Variants in FBXO8 observed in about 807,000 individuals in gnomAD.
The protein encoded by FBXO8 is F-box only protein 8.
In FBXO8, 15 loss-of-function variants were observed where a neutral mutation model predicts 33.4. The ratio of observed to expected loss-of-function variants is 0.45; its 90% CI spans 0.30 to 0.69. The LOEUF is 0.69. Among genes scored for constraint, FBXO8 ranks in the 30% least tolerant of loss-of-function variants. The pLI is 0.08. For synonymous variants in FBXO8, 132 were observed against 131.5 expected (o/e 1.00, Z -0.02); for missense variants, 274 against 380.3 (o/e 0.72, Z 2.32).
Position 174,278,326 on chromosome 4 carries a change from T to C in FBXO8, c.-9+5084A>G, listed in dbSNP as rs1736999808. Among the ~76,000 whole-genome samples the C allele has an allele frequency of 6.6e-6, 1 of 152,014 alleles. No homozygotes were observed. The highest frequency in any genetic ancestry group is 1.9e-4 in the East Asian group (1 of 5,202). On this transcript the variant is annotated intron_variant, in intron 1 of 5. Transcript: ENST00000393674. The surrounding 1 kb of genome is among the most constrained non-coding windows in gnomAD (Gnocchi z 4.1). ...TAAAAGGCATACCATTTGCAGGTTT[T>C]GGTTTTTTTTAATTCAAAAAGATTT...
At position 174,259,180 on chromosome 4, in the gene FBXO8, T is replaced by C. The variant is rs1736485254; in HGVS notation, c.456+519A>G. The stretch of plus-strand genomic sequence containing the variant: ...AAGAATTAAATAATTAATACAAAAT[T>C]ATTCAATTTTATAACAATCTATAAA... On this transcript the variant is annotated intron_variant, in intron 3 of 5. Transcript: ENST00000393674. The surrounding 1 kb of genome is among the most constrained non-coding windows in gnomAD (Gnocchi z 4.3). 6.6e-6 allele frequency among the ~76,000 whole-genome samples: 1 copy of C among 152,082 alleles called. No individual in the cohort carries two copies. The highest frequency in any genetic ancestry group is 1.5e-5 in the Non-Finnish European group (1 of 67,930).
chr4:174,276,590 GTTTT>G (rs775243716), intron 1 of FBXO8, among the ~76,000 whole-genome samples: 1 of 151,890 alleles, frequency 6.6e-6, no homozygotes, highest in Non-Finnish European at 1.5e-5. Flanking sequence ...GTTTTGTTTT[GTTTT>G]TTTGAGAGGG....
chr4:174,240,788 T>C (rs142136955), intron 4 of FBXO8, among the ~76,000 whole-genome samples: 2 of 151,872 alleles, frequency 1.3e-5, no homozygotes, highest in African/African-American at 4.8e-5. Flanking sequence ...ACTTAGATTA[T>C]GGCTACTTGT....
chr4:174,269,558 GCCCGTAATC>G (rs1231209677), intron 1 of FBXO8, among the ~76,000 whole-genome samples: 1 of 151,652 alleles, frequency 6.6e-6, no homozygotes, highest in Non-Finnish European at 1.5e-5. Context: ...TGTGGTGCAC[GCCCGTAATC>G]CCAGCTACTG....
At position 174,256,038 on chromosome 4, in the gene FBXO8, C is replaced by T; in HGVS notation, c.456+3661G>A. 2.2e-6 allele frequency: 1 copy of T among 455,400 alleles called. No individual in the cohort carries two copies. The highest frequency in any genetic ancestry group is 3.3e-4 in the Middle Eastern group (1 of 3,066). The allele number at this position is 455,400 out of a possible 1,614,324, so 28.2% of individuals were successfully genotyped here. ...CCAGATTATCGTACCACAAACTGTG[C>T]AGATGTTCTCCCCCACCCCATGAGC... On this transcript the variant is annotated intron_variant, in intron 3 of 5. Coordinates refer to ENST00000393674, the MANE Select transcript of FBXO8 (RefSeq NM_012180.3). This position sits in a 1 kb window ranked among gnomAD's most constrained non-coding sequence, Gnocchi z 4.6.
At chr4:174,239,666 C>CT (rs1319194717) in intron 4 of FBXO8, among the ~76,000 whole-genome samples, 1 of 151,624 alleles carries the variant, frequency 6.6e-6, no homozygotes, top group East Asian at 1.9e-4. Context: ...TTTGTTTTTG[C>CT]TTTTTTCACA....
rs755973689 is a variant in FBXO8, at chr4:174,263,568, A to G, written c.-8-468T>C. On this transcript the variant is annotated intron_variant, in intron 1 of 5. Coordinates refer to ENST00000393674, the MANE Select transcript of FBXO8 (RefSeq NM_012180.3). The surrounding 1 kb of genome is among the most constrained non-coding windows in gnomAD (Gnocchi z 4.2). ...TTAACCAAACTCCCAGATGCGTAAC[A>G]GCTGGGAAACAGGCTTTTAGTTTAA... Among the ~76,000 whole-genome samples the G allele has an allele frequency of 5.3e-5, 8 of 152,178 alleles. No homozygotes were observed. The highest frequency in any genetic ancestry group is 2.9e-5 in the Non-Finnish European group (2 of 68,038).
Position 174,272,772 on chromosome 4 carries a change from A to G in FBXO8, c.-8-9672T>C, listed in dbSNP as rs1304576573. ...ATCCCAAAGTATCTTCCCACATATCAGTCATTAATTACAAGAAAAAATTAA... is the reference window on the plus strand; with the variant it reads ...ATCCCAAAGTATCTTCCCACATATCGGTCATTAATTACAAGAAAAAATTAA... On this transcript the variant is annotated intron_variant, in intron 1 of 5. Transcript: ENST00000393674. This position sits in a 1 kb window ranked among gnomAD's most constrained non-coding sequence, Gnocchi z 4.7. Among the ~76,000 whole-genome samples the G allele has an allele frequency of 1.3e-5, 2 of 152,214 alleles. No homozygotes were observed. The highest frequency in any genetic ancestry group is 2.9e-5 in the Non-Finnish European group (2 of 68,034).
Position 174,262,851 on chromosome 4 carries a change from G to C in FBXO8, c.242C>G (p.Thr81Ser), listed in dbSNP as rs1736601411. ...AGTTGCATTCAGGTAGGACAAGATGGTAAAGCTTAGCTCAGGAGGCAACAT... is the reference window on the plus strand; with the variant it reads ...AGTTGCATTCAGGTAGGACAAGATGCTAAAGCTTAGCTCAGGAGGCAACAT... ...LEMLPPELSF[T>S]ILSYLNATDL... is the part of the protein sequence containing the mutation. Residue 81 changes from threonine (T) to serine (S), a missense_variant, in exon 2 of 6, where the codon ACC (threonine) becomes AGC (serine). Around this residue, in one of 2 missense-constraint regions of FBXO8, gnomAD observed 186 missense variants for 293.4 expected, o/e 0.63. Coordinates refer to ENST00000393674, the MANE Select transcript of FBXO8 (RefSeq NM_012180.3). This position sits in a 1 kb window ranked among gnomAD's most constrained non-coding sequence, Gnocchi z 4.6. The C allele has an allele frequency of 6.2e-7, 1 of 1,613,924 alleles. No individual in the cohort carries two copies. The highest frequency in any genetic ancestry group is 8.5e-7 in the Non-Finnish European group (1 of 1,179,942).
chr4:174,240,242 T>G (rs1185591730), intron 4 of FBXO8, among the ~76,000 whole-genome samples: 1 of 151,576 alleles, frequency 6.6e-6, no homozygotes, highest in Non-Finnish European at 1.5e-5. Context: ...AATGATGCGA[T>G]CTTTACATCT....
chr4:174,271,713 G>A (rs1361625639), intron 1 of FBXO8, among the ~76,000 whole-genome samples: 1 of 152,096 alleles, frequency 6.6e-6, no homozygotes, highest in Non-Finnish European at 1.5e-5. Context: ...GAAGGAATAT[G>A]GTGCACAAAT....
chr4:174,256,993 A>G lies in FBXO8; in HGVS notation c.456+2706T>C, dbSNP rs1456639092. On this transcript the variant is annotated intron_variant, in intron 3 of 5. Coordinates refer to ENST00000393674, the MANE Select transcript of FBXO8 (RefSeq NM_012180.3). This position sits in a 1 kb window ranked among gnomAD's most constrained non-coding sequence, Gnocchi z 4.6. ...ATAAGTAAAATCTGAAGATCTAAAA[A>G]TCTTATTTTAATTAATAACTTAAAT... is the stretch of plus-strand genomic sequence containing the variant. Among the ~76,000 whole-genome samples, 1 of 152,146 alleles carries G rather than the reference A, an allele frequency of 6.6e-6. No homozygotes were observed. Among genetic ancestry groups the G allele is most frequent in the African/African-American group, 2.4e-5 (1 of 41,454 alleles).
In FBXO8 at chr4:174,278,510, G is replaced by T. The variant is rs1238390977; in HGVS notation, c.-9+4900C>A. ...TAGGCTTATTCAATTTCTGTGGTTT[G>T]TTTTTCAAGAAATGCTCCATTGTCC... On this transcript the variant is annotated intron_variant, in intron 1 of 5. Coordinates refer to ENST00000393674, the MANE Select transcript of FBXO8 (RefSeq NM_012180.3). This position sits in a 1 kb window ranked among gnomAD's most constrained non-coding sequence, Gnocchi z 4.1. Among the ~76,000 whole-genome samples the T allele has an allele frequency of 6.6e-6, 1 of 152,036 alleles. No individual in the cohort carries two copies. Among genetic ancestry groups the T allele is most frequent in the Non-Finnish European group, 1.5e-5 (1 of 67,932 alleles).
chr4:174,237,786 G>A lies in FBXO8; in HGVS notation c.773-187C>T, dbSNP rs1420829673. On this transcript the variant is annotated intron_variant, in intron 5 of 5. Transcript: ENST00000393674. The surrounding 1 kb of genome is among the most constrained non-coding windows in gnomAD (Gnocchi z 4.4). ...TTGCACTGAAAGTCCTGTCATCCTG[G>A]GAAACTCAATCCTGAGCAAACCAGG... 6.6e-6 allele frequency among the ~76,000 whole-genome samples: 1 copy of A among 151,842 alleles called. No homozygotes were observed. The highest frequency in any genetic ancestry group is 1.9e-4 in the East Asian group (1 of 5,192).
At chr4:174,273,717 G>A (rs957861129) in intron 1 of FBXO8, among the ~76,000 whole-genome samples, 1 of 152,128 alleles carries the variant, frequency 6.6e-6, no homozygotes, top group Non-Finnish European at 1.5e-5. Flanking sequence ...TGTAAACCTG[G>A]CTAAAAAGTA....
intron 1 of FBXO8, among the ~76,000 whole-genome samples, chr4:174,264,077 C>G (rs913314272): frequency 2.0e-5 from 3 of 152,128 alleles, no homozygotes; most frequent in African/African-American, 7.2e-5. Flanking sequence ...ATACTTTTAT[C>G]AACTCGAGTT....
At chr4:174,260,575 A>G (rs976898415) in intron 2 of FBXO8, among the ~76,000 whole-genome samples, 10 of 152,024 alleles carry the variant, frequency 6.6e-5, no homozygotes, top group African/African-American at 2.4e-4. Context: ...AGAGTGATAC[A>G]TGATTGTTTA....
rs1737181007 is a variant in FBXO8 at position 174,283,207 on chromosome 4, C to G, written c.-9+203G>C. 6.6e-6 allele frequency among the ~76,000 whole-genome samples: 1 copy of G among 152,180 alleles called. No individual in the cohort carries two copies. The highest frequency in any genetic ancestry group is 1.5e-5 in the Non-Finnish European group (1 of 68,034). On this transcript the variant is annotated intron_variant, in intron 1 of 5. Coordinates refer to ENST00000393674, the MANE Select transcript of FBXO8 (RefSeq NM_012180.3). This position sits in a 1 kb window ranked among gnomAD's most constrained non-coding sequence, Gnocchi z 6.7. ...GAAACAGAAGGAACACACCCAGTTC[C>G]GCCTCCTGACAGTGATTCCTCACTT...
At chr4:174,282,228 G>C (rs1234280357) in intron 1 of FBXO8, among the ~76,000 whole-genome samples, 1 of 152,124 alleles carries the variant, frequency 6.6e-6, no homozygotes. Context: ...CAATGTTTTG[G>C]CTTATCTAGA....
Sources: allele counts gnomAD v4.1 joint callset (sites outside exome capture counted in the v4.1 genomes callset), GRCh38; gene constraint gnomAD v4.1.1; regional missense constraint gnomAD v4.1.1; non-coding constraint Gnocchi (gnomAD v3.1); transcripts MANE v1.5; gene names NCBI Gene and HGNC (gene_info 2026-07-23, HGNC 2026-07-21).